ARPC1A: variants seen among roughly 807,000 people sequenced by gnomAD.
ARPC1A encodes actin related protein 2/3 complex subunit 1A, also known as actin-related protein 2/3 complex subunit 1A.
ARPC1A carries 8 observed loss-of-function variants against 46.9 expected under a neutral mutation model. The observed-to-expected ratio is 0.17, with a 90% CI of 0.10 to 0.31. The LOEUF (loss-of-function observed/expected upper bound fraction) is 0.31, where lower values mean the gene tolerates loss of function less well. Among genes scored for constraint, ARPC1A ranks in the 10% least tolerant of loss-of-function variants. The probability of loss-of-function intolerance (pLI) is 1.00; values close to 1 mark genes in which losing one functional copy is unlikely to be tolerated. For synonymous variants in ARPC1A, 152 were observed against 169.0 expected (o/e 0.90, Z 0.78); for missense variants, 286 against 483.6 (o/e 0.59, Z 3.83).
intron 1 of ARPC1A, among the ~76,000 whole-genome samples, chr7:99,330,537 A>T (rs934546220): frequency 3.9e-5 from 6 of 151,918 alleles, no homozygotes; most frequent in Non-Finnish European, 8.8e-5. Flanking sequence ...CTGGTCTCGA[A>T]CTCCCGACCT....
chr7:99,330,562 A>T (rs1318553526), intron 1 of ARPC1A, among the ~76,000 whole-genome samples: 1 of 152,048 alleles, frequency 6.6e-6, no homozygotes, highest in Non-Finnish European at 1.5e-5. Context: ...TGATCCGCCC[A>T]CCTCGGCCTC....
In ARPC1A at chr7:99,356,879, G is replaced by A. The variant is rs565337009; in HGVS notation, c.714-1461G>A. Among the ~76,000 whole-genome samples, 11 of 152,124 alleles carry A rather than the reference G, an allele frequency of 7.2e-5. No individual in the cohort carries two copies. The South Asian group carries it at 1.5e-3, about 20-fold the overall frequency. On this transcript the variant is annotated intron_variant, in intron 6 of 9. Coordinates refer to ENST00000262942, the MANE Select transcript of ARPC1A (RefSeq NM_006409.4). ...TGCGCCACTGCACTCTAGGCTGGGCGACAGAGCGAGACTCCATCTCAAAAA... is the reference window on the plus strand; with the variant it reads ...TGCGCCACTGCACTCTAGGCTGGGCAACAGAGCGAGACTCCATCTCAAAAA...
intron 5 of ARPC1A, among the ~76,000 whole-genome samples, chr7:99,351,358 C>T (rs919774601): frequency 1.3e-5 from 2 of 152,064 alleles, no homozygotes; most frequent in East Asian, 1.9e-4. Flanking sequence ...GGATTGCAGG[C>T]GTACACCACC....
intron 4 of ARPC1A, among the ~76,000 whole-genome samples, chr7:99,345,169 A>G (rs1175411804): frequency 1.3e-5 from 2 of 151,526 alleles, no homozygotes; most frequent in East Asian, 3.9e-4. Flanking sequence ...TCCTGACCTC[A>G]TGATCCACCG....
At chr7:99,338,883 T>TAACATGAAAATGTAGAC (rs1429188827) in intron 3 of ARPC1A, among the ~76,000 whole-genome samples, 1 of 152,184 alleles carries the variant, frequency 6.6e-6, no homozygotes, top group African/African-American at 2.4e-5. Context: ...GAAAGCTAGA[T>TAACATGAAAATGTAGAC]AACATGAAAA....
chr7:99,361,969 TCTC>T (rs1187007731), intron 8 of ARPC1A, among the ~76,000 whole-genome samples: 1 of 152,056 alleles, frequency 6.6e-6, no homozygotes, highest in Non-Finnish European at 1.5e-5. Flanking sequence ...GAAATAATAG[TCTC>T]CTTTTAATTT....
chr7:99,361,422 A>C (rs1205071031), intron 8 of ARPC1A, among the ~76,000 whole-genome samples: 3 of 150,452 alleles, frequency 2.0e-5, no homozygotes, highest in Non-Finnish European at 4.4e-5. Flanking sequence ...TGATTGTGCC[A>C]CTGTACTTCA....
At position 99,333,267 on chromosome 7, in the gene ARPC1A, A is replaced by G. The variant is rs1327743041; in HGVS notation, c.-29-58A>G. ...CTTAAGATCCTCAGGCAACTTAAAC[A>G]TTGGTTACTTGCCTTTTCCCTATTG... On this transcript the variant is annotated intron_variant, in intron 1 of 9. Transcript: ENST00000262942. The G allele has an allele frequency of 5.6e-6, 6 of 1,080,362 alleles. No homozygotes were observed. The East Asian group carries it at 9.5e-5, about 17-fold the overall frequency. 66.9% of individuals were successfully genotyped at this position (1,080,362 alleles called of 1,614,324 possible).
At chr7:99,346,145 G>A (rs971621865) in intron 4 of ARPC1A, among the ~76,000 whole-genome samples, 3 of 151,804 alleles carry the variant, frequency 2.0e-5, no homozygotes, top group African/African-American at 7.3e-5. Flanking sequence ...GAACCCAGTA[G>A]GCAGAGGTTG....
rs1040701287 is a variant in ARPC1A at position 99,338,400 on chromosome 7, T to TTC, written c.169+116_169+117insCT. The TTC allele has an allele frequency of 3.2e-5, 24 of 745,486 alleles. No individual in the cohort carries two copies. In the African/African-American group the frequency reaches 4.3e-4, roughly 13 times the overall value. 46.2% of individuals were successfully genotyped at this position (745,486 alleles called of 1,614,324 possible). The stretch of plus-strand genomic sequence containing the variant: ...ATAATTTTTTTTTTTTTTTTTTTTT[T>TTC]TTTGAGAAGGAGTATCACTCTTTCG... On this transcript the variant is annotated intron_variant, in intron 3 of 9. Transcript: ENST00000262942.
At chr7:99,339,117 A>G (rs1268558146) in intron 3 of ARPC1A, among the ~76,000 whole-genome samples, 1 of 152,226 alleles carries the variant, frequency 6.6e-6, no homozygotes, top group Non-Finnish European at 1.5e-5. Context: ...GGATGTAATA[A>G]TAAGGAATAT....
chr7:99,326,977 C>A (rs1190871332), intron 1 of ARPC1A, among the ~76,000 whole-genome samples: 1 of 152,192 alleles, frequency 6.6e-6, no homozygotes, highest in Non-Finnish European at 1.5e-5. Flanking sequence ...ATAAAGCCAT[C>A]TGTTCTCCTG....
At chr7:99,347,823 C>G (rs1793480807) in intron 4 of ARPC1A, among the ~76,000 whole-genome samples, 1 of 149,818 alleles carries the variant, frequency 6.7e-6, no homozygotes, top group African/African-American at 2.5e-5. Context: ...GAGCGAAACT[C>G]CATCTCAAAA....
chr7:99,362,155 C>T (rs1793752810), intron 8 of ARPC1A, among the ~76,000 whole-genome samples: 1 of 151,544 alleles, frequency 6.6e-6, no homozygotes, highest in African/African-American at 2.4e-5. Context: ...ATTCGCCAGC[C>T]TGGTGGCAGG....
At chr7:99,326,549 C>G (rs1217689556) in intron 1 of ARPC1A, among the ~76,000 whole-genome samples, 1 of 152,182 alleles carries the variant, frequency 6.6e-6, no homozygotes, top group African/African-American at 2.4e-5. Flanking sequence ...AAAATTGCAC[C>G]CTTCTCGGCG....
chr7:99,341,626 A>T (rs1364633834), intron 3 of ARPC1A, among the ~76,000 whole-genome samples: 2 of 152,064 alleles, frequency 1.3e-5, no homozygotes, highest in Non-Finnish European at 2.9e-5. Context: ...AAAAAAAAAA[A>T]AAATTAATTG....
At position 99,327,948 on chromosome 7, in the gene ARPC1A, CAG is replaced by C. The variant is rs527905926; in HGVS notation, c.-30+1945_-30+1946del. ...CACGGTCTTGAAAACTGACCCTAAA[CAG>C]GGGACAGAAATGCCCACTTTTGTGG... On this transcript the variant is annotated intron_variant, in intron 1 of 9. Coordinates refer to ENST00000262942, the MANE Select transcript of ARPC1A (RefSeq NM_006409.4). 3.7e-4 allele frequency among the ~76,000 whole-genome samples: 57 copies of C among 152,178 alleles called. No individual in the cohort carries two copies. The East Asian group carries it at 7.0e-3, about 19-fold the overall frequency.
intron 4 of ARPC1A, among the ~76,000 whole-genome samples, chr7:99,347,535 TCTC>T (rs1233650331): frequency 6.6e-6 from 1 of 151,760 alleles, no homozygotes; most frequent in Non-Finnish European, 1.5e-5. Context: ...TGAAAGCTAA[TCTC>T]CTCTAAAATT....
At chr7:99,333,113 T>C (rs561485405) in intron 1 of ARPC1A, among the ~76,000 whole-genome samples, 4 of 152,306 alleles carry the variant, frequency 2.6e-5, no homozygotes, top group Non-Finnish European at 5.9e-5. Context: ...GCCAGGCTGG[T>C]CTTGAACTCC....
Sources: allele counts gnomAD v4.1 joint callset (sites outside exome capture counted in the v4.1 genomes callset), GRCh38; gene constraint gnomAD v4.1.1; transcripts MANE v1.5; gene names NCBI Gene and HGNC (gene_info 2026-07-23, HGNC 2026-07-21).